The following ZNF229 variants were observed in gnomAD, a reference collection of about 807,000 sequenced individuals.
The protein encoded by ZNF229 is zinc finger protein 229.
A neutral mutation model predicts 11.8 loss-of-function variants in ZNF229; 10 were observed. That is an observed-to-expected ratio of 0.85 (90% confidence interval 0.52 to 1.44). ZNF229 has a LOEUF of 1.44. Among genes scored for constraint, ZNF229 ranks in the 40% most tolerant of loss-of-function variants. The pLI is 0.00. For missense variants in ZNF229, 1,045 were observed against 1,015.1 expected (o/e 1.03, Z -0.40); for synonymous variants, 368 against 374.8 (o/e 0.98, Z 0.21).
Position 44,430,319 on chromosome 19 carries a change from C to G in ZNF229, c.462G>C (p.Glu154Asp), listed in dbSNP as rs773107681. Residue 154 changes from glutamate (E) to aspartate (D), a missense_variant, in exon 6 of 6, where the codon GAG becomes GAC. Transcript: ENST00000614049. ...CCCCTTGTAGACTGTCCAGGAAATT[C>G]TCAATTGGAAAACACGGCGTAGATG... is the stretch of plus-strand genomic sequence containing the variant. Reference protein sequence around the residue: ...EGASTPCFPIENFLDSLQGDG... With the variant: ...EGASTPCFPIDNFLDSLQGDG... 74 of 1,613,950 alleles carry G rather than the reference C, an allele frequency of 4.6e-5. No homozygotes were observed. The highest frequency in any genetic ancestry group is 2.8e-5 in the Non-Finnish European group (33 of 1,180,018).
At chr19:44,443,878 C>A (rs956261796) in intron 2 of ZNF229, among the ~76,000 whole-genome samples, 14 of 152,088 alleles carry the variant, frequency 9.2e-5, no homozygotes, top group African/African-American at 3.4e-4. Context: ...CTGAGTTATG[C>A]TCATGGAGCC....
chr19:44,437,981 G>A (rs1394437293), intron 4 of ZNF229, among the ~76,000 whole-genome samples: 1 of 152,206 alleles, frequency 6.6e-6, no homozygotes. Flanking sequence ...TGGATAGTGG[G>A]AGGAGGGAGA....
At chr19:44,437,272 TAATA>T (rs1213924159) in intron 4 of ZNF229, among the ~76,000 whole-genome samples, 1 of 152,178 alleles carries the variant, frequency 6.6e-6, no homozygotes, top group Non-Finnish European at 1.5e-5. Flanking sequence ...AAAAGGGAAC[TAATA>T]AATCATTTAA....
At chr19:44,441,501 T>C (rs1366753275) in intron 4 of ZNF229, among the ~76,000 whole-genome samples, 1 of 152,146 alleles carries the variant, frequency 6.6e-6, no homozygotes, top group Non-Finnish European at 1.5e-5. Flanking sequence ...TAAAAGAAAA[T>C]TAAGAAATAT....
chr19:44,432,014 C>T (rs1971731357), intron 5 of ZNF229: 1 of 1,027,278 alleles, frequency 9.7e-7, no homozygotes, highest in Non-Finnish European at 1.3e-6. Context: ...AGAGGGTCCT[C>T]ACCAGAACCC....
intron 4 of ZNF229, among the ~76,000 whole-genome samples, chr19:44,439,047 T>C (rs1333280282): frequency 1.3e-5 from 2 of 152,122 alleles, no homozygotes; most frequent in African/African-American, 4.8e-5. Flanking sequence ...GAGCAGTCTC[T>C]TGTGGGACAG....
chr19:44,448,463 C>G lies in ZNF229; in HGVS notation c.-420G>C, dbSNP rs1197494971. 2 of 152,066 alleles carry G rather than the reference C, an allele frequency of 1.3e-5. No individual in the cohort carries two copies. Among genetic ancestry groups the G allele is most frequent in the African/African-American group, 2.4e-5 (1 of 41,374 alleles). 9.4% of individuals were successfully genotyped at this position (152,066 alleles called of 1,614,324 possible). Reference sequence around the variant, plus strand: ...AGACGCCTCACCACTGCCTAAGAAGCAATCAAGGTGACGCGCCCACCGGAA... The same window carrying G: ...AGACGCCTCACCACTGCCTAAGAAGGAATCAAGGTGACGCGCCCACCGGAA... On this transcript the variant is annotated 5_prime_UTR_variant, in exon 1 of 6. Coordinates refer to ENST00000614049, the MANE Select transcript of ZNF229 (RefSeq NM_014518.4).
intron 4 of ZNF229, among the ~76,000 whole-genome samples, chr19:44,435,059 G>A (rs1226326235): frequency 6.6e-6 from 1 of 152,102 alleles, no homozygotes; most frequent in African/African-American, 2.4e-5. Context: ...TGAGTGTGAG[G>A]CCTCCCCAAC....
intron 1 of ZNF229, among the ~76,000 whole-genome samples, chr19:44,447,851 G>A (rs1238104507): frequency 6.6e-6 from 1 of 152,122 alleles, no homozygotes; most frequent in Admixed American, 6.5e-5. Context: ...AGGAGACAAG[G>A]AGAATCAAGA....
rs34703374 is a variant in ZNF229, at chr19:44,427,238, A to ACCCCCCCCC, written c.*1056_*1064dup. Reference sequence around the variant, plus strand: ...CAAACCATATCAGACTGTTTCTACAACCCCCCCCCCCGCCCCCACTGATGG... The same window carrying ACCCCCCCCC: ...CAAACCATATCAGACTGTTTCTACAACCCCCCCCCCCCCCCCCCCCGCCCCCACTGATGG... On this transcript the variant is annotated 3_prime_UTR_variant, in exon 6 of 6. Transcript: ENST00000614049. 1.2e-4 allele frequency: 14 copies of ACCCCCCCCC among 116,648 alleles called. No individual in the cohort carries two copies. The highest frequency in any genetic ancestry group is 1.7e-4 in the African/African-American group (5 of 28,962). The allele number at this position is 116,648 out of a possible 1,614,324, so 7.2% of individuals were successfully genotyped here. A position where few individuals can be genotyped will look rare whatever the true frequency, so the allele number is the denominator to read the frequency against.
intron 5 of ZNF229, among the ~76,000 whole-genome samples, chr19:44,431,079 CTG>C (rs1253693350): frequency 1.3e-5 from 2 of 152,132 alleles, no homozygotes; most frequent in African/African-American, 2.4e-5. Flanking sequence ...TCTCCCTGCA[CTG>C]TGTCTCAGGG....
In ZNF229 at chr19:44,428,549, C is replaced by T. The variant is rs1971627383; in HGVS notation, c.2232G>A (p.Val744=). 1.2e-6 allele frequency: 2 copies of T among 1,613,766 alleles called. No homozygotes were observed. The highest frequency in any genetic ancestry group is 1.3e-5 in the African/African-American group (1 of 74,874). ...AGCTCTGACTATAGCCCTTCCCACA[C>T]ACGTGGCATCTGTATGGCTTCTCGC... is the stretch of plus-strand genomic sequence containing the variant. ...HTGEKPYRCH[V]CGKGYSQSSH... Residue 744 remains valine (V), a synonymous_variant, in exon 6 of 6, where the codon GTG becomes GTA. Transcript: ENST00000614049.
rs1971671125 is a variant in ZNF229 at position 44,429,637 on chromosome 19, A to T, written c.1144T>A (p.Cys382Ser). Reference protein sequence around the residue: ...TGRRPYKCEECGKAFGRSSNL... With the variant: ...TGRRPYKCEESGKAFGRSSNL... ...GAACTTCGACCAAATGCCTTCCCACACTCCTCACATTTATAGGGTCTCCTT... is the reference window on the plus strand; with the variant it reads ...GAACTTCGACCAAATGCCTTCCCACTCTCCTCACATTTATAGGGTCTCCTT... Residue 382 changes from cysteine (C) to serine (S), a missense_variant, in exon 6 of 6, where the codon TGT (cysteine) becomes AGT (serine). Physicochemically the swap from Cys to Ser is moderately radical, Grantham distance 112. Coordinates refer to ENST00000614049, the MANE Select transcript of ZNF229 (RefSeq NM_014518.4). The T allele has an allele frequency of 6.2e-7, 1 of 1,613,690 alleles. No homozygotes were observed. The highest frequency in any genetic ancestry group is 8.5e-7 in the Non-Finnish European group (1 of 1,179,942).
rs1369778539 is a variant in ZNF229, at chr19:44,428,109, C to T, written c.*194G>A. On this transcript the variant is annotated 3_prime_UTR_variant, in exon 6 of 6. Transcript: ENST00000614049. Reference sequence around the variant, plus strand: ...CCGCTGCACAACAGACTCTTAAAGACTGAAGTTTGTAACTGAAGTGCTAAC... The same window carrying T: ...CCGCTGCACAACAGACTCTTAAAGATTGAAGTTTGTAACTGAAGTGCTAAC... 2 of 596,322 alleles carry T rather than the reference C, an allele frequency of 3.4e-6. No individual in the cohort carries two copies. Among genetic ancestry groups the T allele is most frequent in the Non-Finnish European group, 5.7e-6 (2 of 348,832 alleles). 36.9% of individuals were successfully genotyped at this position (596,322 alleles called of 1,614,324 possible). A position where few individuals can be genotyped will look rare whatever the true frequency, so the allele number is the denominator to read the frequency against.
chr19:44,442,614 ATGAAGAGC>A lies in ZNF229; in HGVS notation c.35-1_41del. 1 of 1,614,088 alleles carries A rather than the reference ATGAAGAGC, an allele frequency of 6.2e-7. No homozygotes were observed. Among genetic ancestry groups the A allele is most frequent in the Non-Finnish European group, 8.5e-7 (1 of 1,179,988 alleles). ...CTTGGGAAATGGCTGAGGCTTGAGAATGAAGAGCTGTAGGAGGAGAAAGAGGCCATGAG... is the reference window on the plus strand; with the variant it reads ...CTTGGGAAATGGCTGAGGCTTGAGAATGTAGGAGGAGAAAGAGGCCATGAG... On this transcript the variant is annotated splice_acceptor_variant and coding_sequence_variant, in exon 4 of 6. Transcript: ENST00000614049. LOFTEE classifies it high-confidence loss of function.
chr19:44,442,409 T>C (rs2123377382), intron 4 of ZNF229, among the ~76,000 whole-genome samples, 154 bp downstream of exon 4: 2 of 152,362 alleles, frequency 1.3e-5, no homozygotes, highest in East Asian at 3.9e-4. Flanking sequence ...AGAATCATAC[T>C]ATCTGTCTCA....
Position 44,428,621 on chromosome 19 carries a change from AC to A in ZNF229, c.2159del (p.Gly720ValfsTer100). 6.2e-7 allele frequency: 1 copy of A among 1,613,196 alleles called. No homozygotes were observed. Among genetic ancestry groups the A allele is most frequent in the Non-Finnish European group, 8.5e-7 (1 of 1,179,810 alleles). ...KPYTCCECGK[G>X]FRYGSGLLSH... ...TAAGGAGACCTGAGCCATATCTGAAACCCTTCCCACATTCACAACAAGTGTA... is the reference window on the plus strand; with the variant it reads ...TAAGGAGACCTGAGCCATATCTGAAACCTTCCCACATTCACAACAAGTGTA... On this transcript the variant is annotated frameshift_variant, in exon 6 of 6. Transcript: ENST00000614049. LOFTEE classifies it low-confidence loss of function (END_TRUNC).
Position 44,429,155 on chromosome 19 carries a change from C to A in ZNF229, c.1626G>T (p.Glu542Asp). Residue 542 changes from glutamate (E) to aspartate (D), a missense_variant, in exon 6 of 6, where the codon GAG becomes GAT. Coordinates refer to ENST00000614049, the MANE Select transcript of ZNF229 (RefSeq NM_014518.4). ...LLMHQRLHTG[E>D]KPYKCECGKS... ...TCCCGCACTCGCATTTGTAGGGTTTCTCTCCTGTGTGCAGTCTCTGATGCA... is the reference window on the plus strand; with the variant it reads ...TCCCGCACTCGCATTTGTAGGGTTTATCTCCTGTGTGCAGTCTCTGATGCA... 1 of 1,613,976 alleles carries A rather than the reference C, an allele frequency of 6.2e-7. No homozygotes were observed. The highest frequency in any genetic ancestry group is 2.2e-5 in the East Asian group (1 of 44,850).
At chr19:44,442,214 G>A (rs1050579015) in intron 4 of ZNF229, among the ~76,000 whole-genome samples, 7 of 152,152 alleles carry the variant, frequency 4.6e-5, no homozygotes, top group Non-Finnish European at 8.8e-5. Context: ...TTCCACAGAG[G>A]AGAACAACCC....
Sources: allele counts gnomAD v4.1 joint callset (sites outside exome capture counted in the v4.1 genomes callset), GRCh38; gene constraint gnomAD v4.1.1; transcripts MANE v1.5; gene names NCBI Gene and HGNC (gene_info 2026-07-23, HGNC 2026-07-21).